SH3GL2: variants seen among roughly 807,000 people sequenced by gnomAD.
SH3GL2 encodes SH3 domain containing GRB2 like 2, endophilin A1, also known as endophilin-A1.
SH3GL2 carries 24 observed loss-of-function variants against 46.0 expected under a neutral mutation model. That is an observed-to-expected ratio of 0.52 (90% CI 0.38 to 0.73). The LOEUF is 0.73. Ranked by LOEUF, SH3GL2 falls within the 30% of genes least tolerant of loss-of-function variation. The pLI is 0.00. For missense variants in SH3GL2, 413 were observed against 424.2 expected (o/e 0.97, Z 0.23); for synonymous variants, 196 against 147.1 (o/e 1.33, Z -2.40).
intron 1 of SH3GL2, among the ~76,000 whole-genome samples, chr9:17,603,596 C>G (rs1226440301): frequency 2.6e-5 from 4 of 152,100 alleles, no homozygotes; most frequent in African/African-American, 9.7e-5. Context: ...CGTGGTGGCT[C>G]ACTCCTGTAA....
intron 1 of SH3GL2, among the ~76,000 whole-genome samples, chr9:17,693,761 C>T (rs577906358): frequency 5.9e-5 from 9 of 152,258 alleles, no homozygotes; most frequent in African/African-American, 1.9e-4. Context: ...GAGCAGTGAA[C>T]GAAATGCCTG....
chr9:17,705,581 A>C (rs1472764953), intron 1 of SH3GL2, among the ~76,000 whole-genome samples: 2 of 152,072 alleles, frequency 1.3e-5, no homozygotes, highest in Non-Finnish European at 2.9e-5. Context: ...GACTGGATAA[A>C]GAAAATGTGG....
At chr9:17,782,043 A>G (rs548660416) in intron 3 of SH3GL2, among the ~76,000 whole-genome samples, 19 of 152,276 alleles carry the variant, frequency 1.2e-4, no homozygotes, top group Admixed American at 4.6e-4. Flanking sequence ...CTTGCACATT[A>G]TAGGTGCTTC....
intron 1 of SH3GL2, among the ~76,000 whole-genome samples, chr9:17,734,367 C>A (rs2118442392): frequency 6.6e-6 from 1 of 152,224 alleles, no homozygotes; most frequent in South Asian, 2.1e-4. Flanking sequence ...CATAGATTGA[C>A]ACTAATCTCT....
intron 2 of SH3GL2, among the ~76,000 whole-genome samples, chr9:17,751,326 A>C (rs1048069288): frequency 6.6e-5 from 10 of 152,266 alleles, no homozygotes; most frequent in Non-Finnish European, 1.3e-4. Flanking sequence ...ACACTCAGTC[A>C]CTGGGTGGAG....
chr9:17,613,518 C>G (rs143089175), intron 1 of SH3GL2, among the ~76,000 whole-genome samples: 179 of 152,312 alleles, frequency 1.2e-3, no homozygotes, highest in African/African-American at 4.1e-3. Context: ...TTTGGTAATT[C>G]TAAGCACCCT....
intron 3 of SH3GL2, among the ~76,000 whole-genome samples, chr9:17,775,470 CATTATATATGTAGT>C (rs1351581340): frequency 1.3e-5 from 2 of 152,128 alleles, no homozygotes; most frequent in Non-Finnish European, 2.9e-5. Context: ...GATGTGTACG[CATTATATATGTAGT>C]AGATAACTTC....
intron 1 of SH3GL2, among the ~76,000 whole-genome samples, chr9:17,715,245 A>G (rs1167497372): frequency 1.3e-5 from 2 of 150,388 alleles, no homozygotes; most frequent in Non-Finnish European, 3.0e-5. Flanking sequence ...GCTGGTCACA[A>G]AATTGCTTTG....
intron 1 of SH3GL2, among the ~76,000 whole-genome samples, chr9:17,678,024 A>G (rs1484518166): frequency 2.0e-5 from 3 of 152,106 alleles, no homozygotes; most frequent in Non-Finnish European, 4.4e-5. Flanking sequence ...AATCCAGTCT[A>G]TCATTATTGG....
At chr9:17,619,645 C>G (rs965804952) in intron 1 of SH3GL2, among the ~76,000 whole-genome samples, 2 of 151,636 alleles carry the variant, frequency 1.3e-5, no homozygotes, top group African/African-American at 2.4e-5. Flanking sequence ...CCATTGCGCT[C>G]TAGCCTGGGC....
chr9:17,682,756 G>T (rs1453373872), intron 1 of SH3GL2, among the ~76,000 whole-genome samples: 1 of 151,632 alleles, frequency 6.6e-6, no homozygotes, highest in African/African-American at 2.4e-5. Context: ...AACCCATTAA[G>T]TTTGGATAAA....
At chr9:17,738,559 TACATACATATATATATAG>T (rs1563833730) in intron 1 of SH3GL2, among the ~76,000 whole-genome samples, 339 of 22,626 alleles carry the variant, frequency 0.015, 12 homozygotes, top group African/African-American at 0.058. Context: ...TGTGTGTATA[TACATACATATATATATAG>T]AGAGAGAGAG....
At chr9:17,596,982 C>A (rs549809853) in intron 1 of SH3GL2, among the ~76,000 whole-genome samples, 1 of 152,124 alleles carries the variant, frequency 6.6e-6, no homozygotes, top group African/African-American at 2.4e-5. Context: ...GCAAGTGCTT[C>A]GACCTCTGAG....
At chr9:17,762,198 A>C (rs1013811163) in intron 3 of SH3GL2, among the ~76,000 whole-genome samples, 1 of 152,142 alleles carries the variant, frequency 6.6e-6, no homozygotes, top group Non-Finnish European at 1.5e-5. Context: ...GTTTCTAACC[A>C]CAGGGCACGG....
intron 1 of SH3GL2, among the ~76,000 whole-genome samples, chr9:17,731,042 G>C (rs1262745974): frequency 2.0e-5 from 3 of 152,126 alleles, no homozygotes; most frequent in Admixed American, 6.6e-5. Context: ...TGCCAGCCTT[G>C]CGACAGTCAC....
At chr9:17,676,146 C>A (rs1820603471) in intron 1 of SH3GL2, among the ~76,000 whole-genome samples, 1 of 152,030 alleles carries the variant, frequency 6.6e-6, no homozygotes, top group Non-Finnish European at 1.5e-5. Flanking sequence ...TAAGTTTTTA[C>A]CCTGCATTGT....
At chr9:17,647,621 A>G (rs75756287) in intron 1 of SH3GL2, among the ~76,000 whole-genome samples, 4,064 of 152,310 alleles carry the variant, frequency 0.027, 82 homozygotes, top group African/African-American at 0.058. Context: ...GTAATACTGT[A>G]AAACACTTGG....
intron 1 of SH3GL2, among the ~76,000 whole-genome samples, chr9:17,693,266 T>C (rs1004236687): frequency 6.6e-6 from 1 of 152,170 alleles, no homozygotes. Context: ...TTGAGACTTT[T>C]GGTTGCTGGT....
chr9:17,656,209 T>C (rs1186692840), intron 1 of SH3GL2, among the ~76,000 whole-genome samples: 3 of 152,196 alleles, frequency 2.0e-5, no homozygotes, highest in African/African-American at 7.2e-5. Flanking sequence ...TATTGGAATG[T>C]TTTTATTTTA....
Sources: gnomAD v4.1 joint callset for allele counts (sites outside exome capture counted in the v4.1 genomes callset) on GRCh38, gnomAD v4.1.1 for gene constraint, MANE v1.5 for transcripts, NCBI Gene and HGNC (gene_info 2026-07-23, HGNC 2026-07-21) for gene names.